Variants in MPP3 observed in about 807,000 individuals in gnomAD.
The protein encoded by MPP3 is MAGUK p55 subfamily member 3.
A neutral mutation model predicts 80.7 loss-of-function variants in MPP3; 48 were observed. The ratio of observed to expected loss-of-function variants is 0.59; its 90% CI spans 0.47 to 0.76. The LOEUF (loss-of-function observed/expected upper bound fraction) is 0.76. Ranked by LOEUF, MPP3 falls within the 30% of genes least tolerant of loss-of-function variation. The probability of loss-of-function intolerance (pLI) is 0.00; values close to 1 mark genes in which losing one functional copy is unlikely to be tolerated. For synonymous variants in MPP3, 311 were observed against 297.6 expected (o/e 1.04, Z -0.46); for missense variants, 620 against 763.0 (o/e 0.81, Z 2.21).
At chr17:43,820,546 T>C (rs1399433944) in intron 11 of MPP3, among the ~76,000 whole-genome samples, 1 of 147,660 alleles carries the variant, frequency 6.8e-6, no homozygotes, top group Non-Finnish European at 1.5e-5. Context: ...GAGCTAAGAT[T>C]CGCCACTGCA....
In MPP3 at chr17:43,827,848, A is replaced by G; in HGVS notation, c.442-16T>C. 2 of 1,612,516 alleles carry G rather than the reference A, an allele frequency of 1.2e-6. No individual in the cohort carries two copies. The highest frequency in any genetic ancestry group is 1.7e-6 in the Non-Finnish European group (2 of 1,179,654). On this transcript the variant is annotated splice_polypyrimidine_tract_variant and intron_variant, in intron 7 of 19. Transcript: ENST00000398389. Reference sequence around the variant, plus strand: ...TGGTGGCACCCTGAACCCGAGACAGAAGAGACAGGTTCTTAAGCAGCAGCT... The same window carrying G: ...TGGTGGCACCCTGAACCCGAGACAGGAGAGACAGGTTCTTAAGCAGCAGCT...
In MPP3 at chr17:43,809,005, CT is replaced by C; in HGVS notation, c.1531del (p.Arg511GlufsTer31). 2 of 1,589,764 alleles carry C rather than the reference CT, an allele frequency of 1.3e-6. No homozygotes were observed. The highest frequency in any genetic ancestry group is 3.4e-5 in the Admixed American group (2 of 58,584). ...AGCTGGGGACATAGGTGGCGTTTTT[CT>C]TTTTTCCTGAATTGCAGGCTTTACA... ...IFVKPAIQEK[R>X]KTPPMSPACE... On this transcript the variant is annotated frameshift_variant, in exon 19 of 20. Coordinates refer to ENST00000398389, the MANE Select transcript of MPP3 (RefSeq NM_001932.6). LOFTEE classifies it high-confidence loss of function.
chr17:43,825,273 A>G (rs1002242423), intron 9 of MPP3: 4 of 153,130 alleles, frequency 2.6e-5, no homozygotes, highest in African/African-American at 9.6e-5. Context: ...TCAGCCAAGC[A>G]TTTTATACCT....
chr17:43,827,845 C>A lies in MPP3; in HGVS notation c.442-13G>T. On this transcript the variant is annotated splice_polypyrimidine_tract_variant and intron_variant, in intron 7 of 19. Coordinates refer to ENST00000398389, the MANE Select transcript of MPP3 (RefSeq NM_001932.6). ...GGATGGTGGCACCCTGAACCCGAGA[C>A]AGAAGAGACAGGTTCTTAAGCAGCA... 1 of 1,612,698 alleles carries A rather than the reference C, an allele frequency of 6.2e-7. No individual in the cohort carries two copies. The highest frequency in any genetic ancestry group is 1.1e-5 in the South Asian group (1 of 91,084).
chr17:43,801,796 T>C lies in MPP3; in HGVS notation c.1663A>G (p.Lys555Glu). 1.9e-6 allele frequency: 3 copies of C among 1,614,132 alleles called. No individual in the cohort carries two copies. The highest frequency in any genetic ancestry group is 2.5e-6 in the Non-Finnish European group (3 of 1,180,010). ...YGHLVDAVLV[K>E]EDLQGAYSQL... Reference sequence around the variant, plus strand: ...CTGTAGGCACCCTGGAGATCCTCCTTCACCAGCACGGCGTCTACCAGGTGC... The same window carrying C: ...CTGTAGGCACCCTGGAGATCCTCCTCCACCAGCACGGCGTCTACCAGGTGC... Residue 555 changes from lysine to glutamate, a missense_variant, in exon 20 of 20, where the codon AAG becomes GAG. Physicochemically the swap from Lys to Glu is moderately conservative, Grantham distance 56. Coordinates refer to ENST00000398389, the MANE Select transcript of MPP3 (RefSeq NM_001932.6).
chr17:43,827,329 C>CTTTT (rs1197926220), intron 8 of MPP3, among the ~76,000 whole-genome samples: 6 of 99,006 alleles, frequency 6.1e-5, no homozygotes, highest in South Asian at 3.6e-4. Context: ...TTTTTTTTTT[C>CTTTT]TTTTTTTTTT....
chr17:43,814,515 G>T, intron 14 of MPP3, 154 bp from the exon 15 acceptor site: 1 of 656,728 alleles, frequency 1.5e-6, no homozygotes, highest in East Asian at 2.9e-5. Flanking sequence ...AGGTTGTTCA[G>T]GAAATACAAT....
At chr17:43,812,159 C>T (rs927347940) in intron 16 of MPP3, among the ~76,000 whole-genome samples, 2 of 152,200 alleles carry the variant, frequency 1.3e-5, no homozygotes, top group Non-Finnish European at 2.9e-5. Context: ...ATTTCCATAA[C>T]AGAATTGGGA....
Position 43,814,265 on chromosome 17 carries a change from A to T in MPP3, c.1106T>A (p.Leu369Gln). The T allele has an allele frequency of 1.9e-6, 3 of 1,613,374 alleles. No homozygotes were observed. Among genetic ancestry groups the T allele is most frequent in the African/African-American group, 2.7e-5 (2 of 75,060 alleles). The change falls in exon 15 of 20, where the codon CTG becomes CAG. Residue 369 changes from leucine to glutamine, a missense_variant. By Grantham distance (113) the Leu-to-Gln change is moderately radical. Coordinates refer to ENST00000398389, the MANE Select transcript of MPP3 (RefSeq NM_001932.6). ...GTACCTGGCCACCTCTTCGTAAGTC[A>T]GCAGCTCCGGAGACTCAGCTCCGGA... The part of the protein sequence containing the change: ...MSSGAESPEL[L>Q]TYEEVARYQH...
At chr17:43,804,977 C>T (rs895785984) in intron 19 of MPP3, among the ~76,000 whole-genome samples, 8 of 152,136 alleles carry the variant, frequency 5.3e-5, no homozygotes, top group Non-Finnish European at 1.0e-4. Context: ...AACACCGCAC[C>T]ATTGCGCTCC....
At chr17:43,818,913 G>C (rs912851860) in intron 11 of MPP3, 2 of 134,432 alleles carry the variant, frequency 1.5e-5, no homozygotes. Flanking sequence ...TCCAGCCTGG[G>C]CAAGAGTGAA....
chr17:43,829,905 C>A, intron 6 of MPP3, 114 bp from the exon 7 acceptor site: 1 of 1,557,392 alleles, frequency 6.4e-7, no homozygotes, highest in Non-Finnish European at 8.8e-7. Context: ...GACAACTGCC[C>A]AGACACTAGT....
At chr17:43,821,588 G>T (rs2045463943) in intron 10 of MPP3, among the ~76,000 whole-genome samples, 1 of 152,120 alleles carries the variant, frequency 6.6e-6, no homozygotes, top group African/African-American at 2.4e-5. Context: ...AGCTCTTACG[G>T]CTCAATCCTG....
At chr17:43,816,732 T>C in intron 12 of MPP3, 35 bp from the exon 13 acceptor site, 1 of 1,564,938 alleles carries the variant, frequency 6.4e-7, no homozygotes, top group Non-Finnish European at 8.7e-7. Context: ...GGAACAGCAT[T>C]AGTGGAGGGA....
chr17:43,811,038 A>G, intron 17 of MPP3, 74 bp downstream of exon 17: 2 of 1,478,468 alleles, frequency 1.4e-6, no homozygotes, highest in Non-Finnish European at 9.5e-7. Flanking sequence ...GAGTCCTCCC[A>G]GGAGCTCTAG....
chr17:43,802,937 T>C (rs141748948), intron 19 of MPP3, among the ~76,000 whole-genome samples: 34 of 152,056 alleles, frequency 2.2e-4, no homozygotes, highest in African/African-American at 8.0e-4. Context: ...AGGATTCGAG[T>C]CCTCAAGATC....
intron 4 of MPP3, 108 bp downstream of exon 4, chr17:43,831,451 G>GT: frequency 7.6e-7 from 1 of 1,317,854 alleles, no homozygotes; most frequent in Admixed American, 1.7e-5. Flanking sequence ...TAGTGGGCAA[G>GT]TGAAGGCCTT....
chr17:43,829,187 CG>C (rs2045847645), intron 7 of MPP3, among the ~76,000 whole-genome samples: 1 of 152,142 alleles, frequency 6.6e-6, no homozygotes, highest in Non-Finnish European at 1.5e-5. Context: ...CATTGTCACA[CG>C]TTTTCTATAA....
chr17:43,832,109 T>C (rs2045993586), intron 2 of MPP3, 166 bp from the exon 3 acceptor site: 2 of 626,292 alleles, frequency 3.2e-6, no homozygotes, highest in Non-Finnish European at 5.7e-6. Flanking sequence ...AAAGCTAAGA[T>C]GTGCTGAGTG....
Sources: gnomAD v4.1 joint callset for allele counts (sites outside exome capture counted in the v4.1 genomes callset) on GRCh38, gnomAD v4.1.1 for gene constraint, MANE v1.5 for transcripts, NCBI Gene and HGNC (gene_info 2026-07-23, HGNC 2026-07-21) for gene names.